The following GRM7 variants were observed in gnomAD, a reference collection of about 807,000 sequenced individuals.
GRM7 encodes the protein metabotropic glutamate receptor 7.
A neutral mutation model predicts 84.5 loss-of-function variants in GRM7; 35 were observed. The ratio of observed to expected loss-of-function variants is 0.41; its 90% CI spans 0.32 to 0.55. The LOEUF is 0.55. Ranked by LOEUF, GRM7 falls within the 20% of genes least tolerant of loss-of-function variation. GRM7 has a pLI of 0.19. For synonymous variants in GRM7, 487 were observed against 455.1 expected, an observed-to-expected ratio of 1.07 and a Z score of -0.89; for missense variants, 1,003 against 1,194.6, an observed-to-expected ratio of 0.84 and a Z score of 2.36.
chr3:7,345,817 A>G (rs1352839846), intron 4 of GRM7, among the ~76,000 whole-genome samples: 8 of 143,470 alleles, frequency 5.6e-5, no homozygotes, highest in Non-Finnish European at 9.2e-5. Context: ...AAGTGTGTTC[A>G]TACTCAAAGA....
intron 2 of GRM7, among the ~76,000 whole-genome samples, chr3:7,242,902 A>G (rs997528823): frequency 6.6e-6 from 1 of 152,148 alleles, no homozygotes; most frequent in African/African-American, 2.4e-5. Context: ...GTAATTCTGC[A>G]GCCAAAATTG....
At chr3:6,922,584 A>G (rs573421702) in intron 1 of GRM7, among the ~76,000 whole-genome samples, 168 of 152,334 alleles carry the variant, frequency 1.1e-3, no homozygotes, top group African/African-American at 3.8e-3. Flanking sequence ...ATTGTTGGAC[A>G]TGATAGATAT....
intron 8 of GRM7, among the ~76,000 whole-genome samples, chr3:7,603,943 G>T (rs191814285): frequency 7.1e-4 from 108 of 152,300 alleles, no homozygotes; most frequent in South Asian, 2.1e-3. Context: ...AGACACAAAA[G>T]TTGGCTTTTG....
intron 9 of GRM7, among the ~76,000 whole-genome samples, chr3:7,698,247 A>T (rs910747301): frequency 8.5e-5 from 13 of 152,188 alleles, no homozygotes; most frequent in Non-Finnish European, 7.3e-5. Context: ...TTCTGGGCAG[A>T]GGGATCGTCC....
At chr3:7,543,728 G>T (rs1693007300) in intron 7 of GRM7, among the ~76,000 whole-genome samples, 1 of 152,214 alleles carries the variant, frequency 6.6e-6, no homozygotes, top group African/African-American at 2.4e-5. Context: ...GAATTCTATA[G>T]ATAGACCTTT....
At chr3:7,145,472 A>T (rs1694078221) in intron 1 of GRM7, among the ~76,000 whole-genome samples, 1 of 152,188 alleles carries the variant, frequency 6.6e-6, no homozygotes, top group Admixed American at 6.5e-5. Context: ...GCCTTAGGCT[A>T]CCTGAAATCC....
At chr3:7,183,409 C>T (rs1338250492) in intron 2 of GRM7, among the ~76,000 whole-genome samples, 1 of 151,972 alleles carries the variant, frequency 6.6e-6, no homozygotes, top group Non-Finnish European at 1.5e-5. Context: ...GGTGGATTGC[C>T]TGAGATCAGA....
chr3:7,167,720 A>C (rs893408254), intron 2 of GRM7, among the ~76,000 whole-genome samples: 1 of 152,106 alleles, frequency 6.6e-6, no homozygotes, highest in Non-Finnish European at 1.5e-5. Context: ...CTGTAATCCC[A>C]GCTCTTTGGG....
At chr3:6,937,276 TGG>T (rs1697727099) in intron 1 of GRM7, among the ~76,000 whole-genome samples, 1 of 152,180 alleles carries the variant, frequency 6.6e-6, no homozygotes, top group South Asian at 2.1e-4. Flanking sequence ...ATCAGAAGAA[TGG>T]AAAATGGGAA....
At chr3:6,911,196 A>G (rs943867324) in intron 1 of GRM7, among the ~76,000 whole-genome samples, 6 of 152,114 alleles carry the variant, frequency 3.9e-5, no homozygotes, top group African/African-American at 1.4e-4. Context: ...GCCACATTCA[A>G]ATAATTTTTT....
At chr3:7,087,014 G>C (rs1286996308) in intron 1 of GRM7, among the ~76,000 whole-genome samples, 1 of 152,080 alleles carries the variant, frequency 6.6e-6, no homozygotes, top group Non-Finnish European at 1.5e-5. Context: ...CCTGGATAAG[G>C]CTATGAGTGC....
At chr3:7,466,564 T>A (rs1467493884) in intron 7 of GRM7, among the ~76,000 whole-genome samples, 5 of 152,230 alleles carry the variant, frequency 3.3e-5, no homozygotes, top group African/African-American at 1.2e-4. Flanking sequence ...TCATCTTTTA[T>A]CTGAAATTAG....
At chr3:7,441,513 T>G (rs1697287248) in intron 5 of GRM7, among the ~76,000 whole-genome samples, 1 of 152,156 alleles carries the variant, frequency 6.6e-6, no homozygotes, top group South Asian at 2.1e-4. Context: ...CATTTGTCAA[T>G]TTTTGTTGCA....
chr3:7,044,383 T>A (rs1559403331), intron 1 of GRM7, among the ~76,000 whole-genome samples: 1 of 152,240 alleles, frequency 6.6e-6, no homozygotes, highest in Non-Finnish European at 1.5e-5. Context: ...GCTAATGGAA[T>A]TGTTTCCTGG....
intron 1 of GRM7, chr3:6,956,477 A>G (rs1693053727): frequency 2.3e-6 from 1 of 443,362 alleles, no homozygotes; most frequent in Admixed American, 2.5e-5. Flanking sequence ...TTTTTCATTC[A>G]TTTTTTTCTT....
chr3:7,358,233 A>G (rs190050414), intron 4 of GRM7, among the ~76,000 whole-genome samples: 2 of 152,252 alleles, frequency 1.3e-5, no homozygotes, highest in East Asian at 3.9e-4. Context: ...TTTGTAGGAA[A>G]TTATGATTGT....
At chr3:7,183,159 C>T (rs1439172294) in intron 2 of GRM7, among the ~76,000 whole-genome samples, 1 of 152,018 alleles carries the variant, frequency 6.6e-6, no homozygotes, top group Non-Finnish European at 1.5e-5. Context: ...TTCAAAGTTT[C>T]ACGTATATAT....
At position 7,363,002 on chromosome 3, in the gene GRM7, G is replaced by C. The variant is rs144424538; in HGVS notation, c.1034-52021G>C. Among the ~76,000 whole-genome samples the C allele has an allele frequency of 6.1e-3, 929 of 152,098 alleles. 5 individuals are homozygous for C. Among genetic ancestry groups the C allele is most frequent in the African/African-American group, 0.021 (875 of 41,488 alleles). On this transcript the variant is annotated intron_variant, in intron 4 of 9. Coordinates refer to ENST00000357716, the MANE Select transcript of GRM7 (RefSeq NM_000844.4). ...CCAGGCATGGTGGTACATGCCTGTA[G>C]TCCCAGCTATTCAGAAGGCTGAGGC...
intron 1 of GRM7, among the ~76,000 whole-genome samples, chr3:7,142,477 G>C (rs913267041): frequency 6.6e-6 from 1 of 152,060 alleles, no homozygotes; most frequent in Non-Finnish European, 1.5e-5. Context: ...AAAGGAGGAA[G>C]AGCGCCTTAT....
Sources: allele counts gnomAD v4.1 joint callset (sites outside exome capture counted in the v4.1 genomes callset), GRCh38; gene constraint gnomAD v4.1.1; transcripts MANE v1.5; gene names NCBI Gene and HGNC (gene_info 2026-07-23, HGNC 2026-07-21).